Variants in FNDC3B observed in about 807,000 individuals in gnomAD.
The protein encoded by FNDC3B is fibronectin type III domain containing 3B.
A neutral mutation model predicts 151.5 loss-of-function variants in FNDC3B; 12 were observed. That is an observed-to-expected ratio of 0.08 (90% confidence interval 0.05 to 0.13). The LOEUF is 0.13. Ranked by LOEUF, FNDC3B falls within the 10% of genes least tolerant of loss-of-function variation. The pLI, the probability that FNDC3B is intolerant of heterozygous loss-of-function variation, is 1.00. For missense variants in FNDC3B, 1,214 were observed against 1,505.3 expected, an observed-to-expected ratio of 0.81 and a Z score of 3.20; for synonymous variants, 528 against 549.0, an observed-to-expected ratio of 0.96 and a Z score of 0.54.
chr3:172,358,954 TTGGTGGTGGTGGTGGTGGTGG>T (rs60325692), intron 22 of FNDC3B, among the ~76,000 whole-genome samples: 3,582 of 80,594 alleles, frequency 0.044, 264 homozygotes, highest in African/African-American at 0.16. Flanking sequence ...CACAGTTTTC[TTGGTGGTGGTGGTGGTGGTGG>T]TGGTGGTGGT....
At chr3:172,107,787 T>A (rs1719732869) in intron 1 of FNDC3B, among the ~76,000 whole-genome samples, 1 of 152,052 alleles carries the variant, frequency 6.6e-6, no homozygotes, top group African/African-American at 2.4e-5. Flanking sequence ...TGTGTGTGTA[T>A]GTAACTGACA....
chr3:172,376,266 A>C (rs2108364307), intron 23 of FNDC3B, among the ~76,000 whole-genome samples: 1 of 152,318 alleles, frequency 6.6e-6, no homozygotes, highest in East Asian at 1.9e-4. Context: ...AGAGTAATGA[A>C]TTTGCTTCAG....
chr3:172,067,334 T>G (rs1717548347), intron 1 of FNDC3B, among the ~76,000 whole-genome samples: 1 of 152,220 alleles, frequency 6.6e-6, no homozygotes, highest in African/African-American at 2.4e-5. Context: ...GAAGTCTTAC[T>G]ACCTTTTTGA....
chr3:172,179,114 T>C (rs1327394858), intron 3 of FNDC3B, among the ~76,000 whole-genome samples: 2 of 152,116 alleles, frequency 1.3e-5, no homozygotes, highest in African/African-American at 4.8e-5. Context: ...CAGGCTGGAG[T>C]GCGGTGGTGC....
At chr3:172,189,540 C>T (rs967389174) in intron 3 of FNDC3B, among the ~76,000 whole-genome samples, 10 of 152,114 alleles carry the variant, frequency 6.6e-5, no homozygotes, top group African/African-American at 2.4e-5. Context: ...ATTTGATTTA[C>T]TTGAATTTTT....
intron 1 of FNDC3B, among the ~76,000 whole-genome samples, chr3:172,047,741 C>A (rs1297797765): frequency 6.6e-6 from 1 of 152,178 alleles, no homozygotes; most frequent in Non-Finnish European, 1.5e-5. Context: ...ACAATAAACA[C>A]AATATCTGCC....
intron 3 of FNDC3B, among the ~76,000 whole-genome samples, chr3:172,165,315 T>C (rs1165656651): frequency 6.6e-6 from 1 of 152,178 alleles, no homozygotes; most frequent in Non-Finnish European, 1.5e-5. Flanking sequence ...TAGCCAGGAA[T>C]ATTTATGTTC....
chr3:172,082,281 T>TTTAACA (rs1718318952), intron 1 of FNDC3B, among the ~76,000 whole-genome samples: 1 of 152,214 alleles, frequency 6.6e-6, no homozygotes, highest in Admixed American at 6.5e-5. Flanking sequence ...GTGAATAAAC[T>TTTAACA]TAGCTTTATT....
intron 1 of FNDC3B, among the ~76,000 whole-genome samples, chr3:172,110,478 G>A (rs1383102391): frequency 6.6e-6 from 1 of 151,902 alleles, no homozygotes; most frequent in African/African-American, 2.4e-5. Flanking sequence ...ACTGTACGCT[G>A]GCCTAATAGA....
chr3:172,374,939 A>G (rs899610840), intron 23 of FNDC3B, among the ~76,000 whole-genome samples: 1 of 152,276 alleles, frequency 6.6e-6, no homozygotes, highest in East Asian at 1.9e-4. Context: ...TATTTAATGA[A>G]TTTTTTTGTT....
intron 1 of FNDC3B, among the ~76,000 whole-genome samples, chr3:172,041,390 T>G (rs1027893377): frequency 2.0e-5 from 3 of 150,486 alleles, no homozygotes; most frequent in African/African-American, 7.3e-5. Context: ...TTTCTTTTTC[T>G]TTCTTTCTTT....
rs978398336 is a variant in FNDC3B at position 172,102,150 on chromosome 3, G to T, written c.-28-10302G>T. 3.3e-5 allele frequency among the ~76,000 whole-genome samples: 5 copies of T among 152,110 alleles called. No homozygotes were observed. In the East Asian group the frequency reaches 7.7e-4, roughly 23 times the overall value. ...GATTCTTAGATGTTACAATTAGCTC[G>T]CTAAGAGCATGGACTTTTCATTATC... is the stretch of plus-strand genomic sequence containing the variant. On this transcript the variant is annotated intron_variant, in intron 1 of 25. Coordinates refer to ENST00000415807, the MANE Select transcript of FNDC3B (RefSeq NM_022763.4).
At chr3:172,356,448 G>A (rs1261751024) in intron 22 of FNDC3B, among the ~76,000 whole-genome samples, 2 of 152,162 alleles carry the variant, frequency 1.3e-5, no homozygotes, top group African/African-American at 2.4e-5. Context: ...GTTAATGTTC[G>A]GTAGGGAAGA....
chr3:172,333,240 C>CT, intron 14 of FNDC3B, 65 bp downstream of exon 14: 2 of 1,040,976 alleles, frequency 1.9e-6, no homozygotes, highest in Non-Finnish European at 3.0e-6. Flanking sequence ...TCACCATTTA[C>CT]CATGTCAGAT....
chr3:172,221,856 T>C (rs557678076), intron 3 of FNDC3B, among the ~76,000 whole-genome samples: 9 of 152,304 alleles, frequency 5.9e-5, no homozygotes, highest in African/African-American at 2.2e-4. Flanking sequence ...TGCAAACAGC[T>C]TAAATGTACT....
chr3:172,315,458 A>G (rs1355825462), intron 11 of FNDC3B, among the ~76,000 whole-genome samples: 1 of 152,184 alleles, frequency 6.6e-6, no homozygotes, highest in Non-Finnish European at 1.5e-5. Context: ...GAAACAGGTC[A>G]GTTTTTATTA....
chr3:172,108,041 G>A (rs758255450), intron 1 of FNDC3B, among the ~76,000 whole-genome samples: 1 of 152,072 alleles, frequency 6.6e-6, no homozygotes, highest in Non-Finnish European at 1.5e-5. Flanking sequence ...GGTGGCACGT[G>A]CCTGTAGTCC....
At chr3:172,392,196 C>T (rs957346785) in intron 25 of FNDC3B, among the ~76,000 whole-genome samples, 11 of 152,160 alleles carry the variant, frequency 7.2e-5, no homozygotes, top group African/African-American at 2.4e-4. Flanking sequence ...TCTCTCAGGA[C>T]CGTAAGGGGT....
At chr3:172,283,610 A>G (rs746399820) in intron 6 of FNDC3B, among the ~76,000 whole-genome samples, 1 of 152,232 alleles carries the variant, frequency 6.6e-6, no homozygotes, top group Non-Finnish European at 1.5e-5. Flanking sequence ...TTGTTTGAAC[A>G]TAACTATGTG....
Sources: gnomAD v4.1 joint callset for allele counts (sites outside exome capture counted in the v4.1 genomes callset) on GRCh38, gnomAD v4.1.1 for gene constraint, MANE v1.5 for transcripts, NCBI Gene and HGNC (gene_info 2026-07-23, HGNC 2026-07-21) for gene names.